Variants in CEP57L1 observed in about 807,000 individuals in gnomAD.
CEP57L1 encodes the protein centrosomal protein 57 like 1.
Under a neutral mutation model 61.0 loss-of-function variants are expected in CEP57L1, and 37 were observed. The observed-to-expected ratio is 0.61, with a 90% CI of 0.47 to 0.80. The LOEUF (loss-of-function observed/expected upper bound fraction) is 0.80. Among genes scored for constraint, CEP57L1 ranks in the 30% least tolerant of loss-of-function variants. The pLI, the probability that CEP57L1 is intolerant of heterozygous loss-of-function variation, is 0.00. For synonymous variants in CEP57L1, 137 were observed against 162.3 expected (o/e 0.84, Z 1.19); for missense variants, 422 against 524.7 (o/e 0.80, Z 1.91).
chr6:109,148,576 C>T (rs35629606), intron 3 of CEP57L1, among the ~76,000 whole-genome samples: 11,033 of 152,186 alleles, frequency 0.072, 579 homozygotes, highest in Non-Finnish European at 0.11. Context: ...CCGCAATAAA[C>T]ATACGTGTGC....
intron 1 of CEP57L1, among the ~76,000 whole-genome samples, chr6:109,121,052 C>T (rs2114697592): frequency 6.6e-6 from 1 of 151,926 alleles, no homozygotes; most frequent in South Asian, 2.1e-4. Flanking sequence ...GGATGAGAGT[C>T]AGATTAGAAT....
chr6:109,147,686 G>C (rs1248145369), intron 3 of CEP57L1, among the ~76,000 whole-genome samples: 1 of 152,158 alleles, frequency 6.6e-6, no homozygotes, highest in Non-Finnish European at 1.5e-5. Context: ...TTCTGCTGTG[G>C]AATTAACTGT....
intron 1 of CEP57L1, among the ~76,000 whole-genome samples, chr6:109,101,084 G>C (rs1782335602): frequency 6.6e-6 from 1 of 152,180 alleles, no homozygotes; most frequent in Non-Finnish European, 1.5e-5. Context: ...TCCAGTCTGG[G>C]CGACAGAGTA....
At position 109,171,155 on chromosome 6, in the gene CEP57L1, T is replaced by C. The variant is rs931164331; in HGVS notation, c.*8185T>C. 1.3e-5 allele frequency among the ~76,000 whole-genome samples: 2 copies of C among 152,290 alleles called. No homozygotes were observed. The highest frequency in any genetic ancestry group is 6.5e-5 in the Admixed American group (1 of 15,298). Reference sequence around the variant, plus strand: ...TGGCTCTCAAGTCGAAAGAGGGCTGTGCCTTTGGTGTTTGGGTATGATATA... The same window carrying C: ...TGGCTCTCAAGTCGAAAGAGGGCTGCGCCTTTGGTGTTTGGGTATGATATA... On this transcript the variant is annotated 3_prime_UTR_variant, in exon 11 of 11. Transcript: ENST00000517392.
chr6:109,162,230 C>G (rs1773779584), intron 10 of CEP57L1, among the ~76,000 whole-genome samples: 1 of 152,028 alleles, frequency 6.6e-6, no homozygotes, highest in South Asian at 2.1e-4. Flanking sequence ...TATACATATA[C>G]ACATACATAT....
intron 1 of CEP57L1, among the ~76,000 whole-genome samples, chr6:109,108,416 T>G: frequency 6.6e-6 from 1 of 152,080 alleles, no homozygotes; most frequent in Non-Finnish European, 1.5e-5. Flanking sequence ...TTCACTATTT[T>G]GGCCAGGCTG....
intron 1 of CEP57L1, among the ~76,000 whole-genome samples, chr6:109,129,096 A>T (rs760854698): frequency 4.6e-5 from 7 of 152,162 alleles, no homozygotes; most frequent in Non-Finnish European, 7.4e-5. Flanking sequence ...GCTACTCGGG[A>T]GGCTGAGGCA....
chr6:109,099,346 C>G (rs1300573380), intron 1 of CEP57L1, among the ~76,000 whole-genome samples: 2 of 151,842 alleles, frequency 1.3e-5, no homozygotes, highest in Admixed American at 6.6e-5. Flanking sequence ...AGTAGGTGTT[C>G]TAGAAGCAAA....
chr6:109,162,462 G>A (rs1038072206), intron 10 of CEP57L1, among the ~76,000 whole-genome samples: 15 of 151,888 alleles, frequency 9.9e-5, no homozygotes, highest in African/African-American at 3.6e-4. Context: ...CTTATTCAAA[G>A]TTATCCTGGC....
At chr6:109,139,652 A>G (rs989313050) in intron 1 of CEP57L1, among the ~76,000 whole-genome samples, 2 of 151,632 alleles carry the variant, frequency 1.3e-5, no homozygotes, top group Non-Finnish European at 2.9e-5. Context: ...CGCTCAGCCA[A>G]TTTTTTTGTA....
chr6:109,158,237 C>T (rs1442085405), intron 7 of CEP57L1: 3 of 164,414 alleles, frequency 1.8e-5, no homozygotes, highest in African/African-American at 7.2e-5. Context: ...CCTGTAATCC[C>T]AACAGTTTGG....
At chr6:109,156,692 T>C (rs749166943) in intron 7 of CEP57L1, 1 of 152,140 alleles carries the variant, frequency 6.6e-6, no homozygotes, top group Non-Finnish European at 1.5e-5. Flanking sequence ...TATTTGGGAA[T>C]TCTGGCCACT....
chr6:109,136,939 T>C lies in CEP57L1; in HGVS notation c.-3-8280T>C, dbSNP rs190041660. On this transcript the variant is annotated intron_variant, in intron 1 of 10. Coordinates refer to ENST00000517392, the MANE Select transcript of CEP57L1 (RefSeq NM_001271852.3). ...CCCTACAATGTATTTTTAGTAGAGA[T>C]GGGGTTTCTCCATGTTGGCCAGGCT... Among the ~76,000 whole-genome samples, 1,262 of 151,986 alleles carry C rather than the reference T, an allele frequency of 8.3e-3. 24 individuals are homozygous for C. The highest frequency in any genetic ancestry group is 0.029 in the African/African-American group (1,211 of 41,486).
chr6:109,122,739 G>A (rs765396317), intron 1 of CEP57L1, among the ~76,000 whole-genome samples: 10 of 152,152 alleles, frequency 6.6e-5, no homozygotes, highest in East Asian at 3.9e-4. Flanking sequence ...CCCGGGAGGC[G>A]TAGGTTGCAG....
chr6:109,109,144 T>C (rs1771277223), intron 1 of CEP57L1, among the ~76,000 whole-genome samples: 1 of 152,208 alleles, frequency 6.6e-6, no homozygotes, highest in Non-Finnish European at 1.5e-5. Context: ...AATAGTAGTC[T>C]CCTGTGTAGA....
chr6:109,144,745 T>G (rs1339185440), intron 1 of CEP57L1, among the ~76,000 whole-genome samples: 3 of 152,104 alleles, frequency 2.0e-5, no homozygotes, highest in Non-Finnish European at 4.4e-5. Context: ...ATATCCAAAA[T>G]TACCCTTGAA....
In CEP57L1 at chr6:109,170,635, C is replaced by T. The variant is rs1774358365; in HGVS notation, c.*7665C>T. 1.3e-5 allele frequency among the ~76,000 whole-genome samples: 2 copies of T among 152,106 alleles called. No homozygotes were observed. The highest frequency in any genetic ancestry group is 1.3e-4 in the Admixed American group (2 of 15,280). ...CAAATGTGTTATTTAAAACATAAAC[C>T]ATTTTGGTGCACAGGAAACCCACTT... On this transcript the variant is annotated 3_prime_UTR_variant, in exon 11 of 11. Transcript: ENST00000517392.
rs1450964972 is a variant in CEP57L1, at chr6:109,163,767, G to A, written c.*797G>A. On this transcript the variant is annotated 3_prime_UTR_variant, in exon 11 of 11. Transcript: ENST00000517392. ...TGTACAAGAAAGTATAGAGGAAGAGGAAGCTGGGCATTAAATTACCTCATC... is the reference window on the plus strand; with the variant it reads ...TGTACAAGAAAGTATAGAGGAAGAGAAAGCTGGGCATTAAATTACCTCATC... 6.6e-6 allele frequency: 1 copy of A among 151,986 alleles called. No homozygotes were observed. Among genetic ancestry groups the A allele is most frequent in the Non-Finnish European group, 1.5e-5 (1 of 67,982 alleles). The allele number at this position is 151,986 out of a possible 1,614,324, so 9.4% of individuals were successfully genotyped here. A position where few individuals can be genotyped will look rare whatever the true frequency, so the allele number is the denominator to read the frequency against.
chr6:109,136,509 A>G (rs1028938765), intron 1 of CEP57L1, among the ~76,000 whole-genome samples: 1 of 151,756 alleles, frequency 6.6e-6, no homozygotes, highest in Non-Finnish European at 1.5e-5. Flanking sequence ...GCACATGTAT[A>G]CATATGTAAC....
Sources: allele counts gnomAD v4.1 joint callset (sites outside exome capture counted in the v4.1 genomes callset), GRCh38; gene constraint gnomAD v4.1.1; transcripts MANE v1.5; gene names NCBI Gene and HGNC (gene_info 2026-07-23, HGNC 2026-07-21).